RRP12: variants seen among roughly 807,000 people sequenced by gnomAD.
RRP12 encodes the protein RRP12-like protein.
Under a neutral mutation model 157.3 loss-of-function variants are expected in RRP12, and 78 were observed. That is an observed-to-expected ratio of 0.50 (90% CI 0.41 to 0.60). The LOEUF (loss-of-function observed/expected upper bound fraction) is 0.60. Ranked by LOEUF, RRP12 falls within the 20% of genes least tolerant of loss-of-function variation. The pLI is 0.00. For synonymous variants in RRP12, 726 were observed against 670.9 expected (o/e 1.08, Z -1.27); for missense variants, 1,521 against 1,679.9 (o/e 0.91, Z 1.65).
At position 97,379,282 on chromosome 10, in the gene RRP12, G is replaced by A. The variant is rs1844394957; in HGVS notation, c.1798+11C>T. The stretch of plus-strand genomic sequence containing the variant: ...AGCCTCAGGTCACACACAGGCAAGG[G>A]TCTCTCCTACCTTTGCTCTTCAGGG... On this transcript the variant is annotated intron_variant, in intron 15 of 33. Coordinates refer to ENST00000370992, the MANE Select transcript of RRP12 (RefSeq NM_015179.4). 2 of 1,613,794 alleles carry A rather than the reference G, an allele frequency of 1.2e-6. No individual in the cohort carries two copies. The highest frequency in any genetic ancestry group is 1.7e-6 in the Non-Finnish European group (2 of 1,179,800).
intron 19 of RRP12, 111 bp downstream of exon 19, chr10:97,372,625 C>T: frequency 1.1e-6 from 1 of 891,734 alleles, no homozygotes; most frequent in Admixed American, 2.0e-5. Context: ...AGAGTTAATA[C>T]TTCAAGGCTT....
chr10:97,375,643 A>G (rs1251238942), intron 15 of RRP12, among the ~76,000 whole-genome samples: 1 of 152,158 alleles, frequency 6.6e-6, no homozygotes, highest in Non-Finnish European at 1.5e-5. Flanking sequence ...AACATTAATG[A>G]TGGTAATGAC....
intron 24 of RRP12, 85 bp from the exon 25 acceptor site, chr10:97,369,667 G>A (rs1844088110): frequency 5.8e-6 from 8 of 1,387,876 alleles, no homozygotes; most frequent in Admixed American, 2.1e-5. Flanking sequence ...AGCCACTCAA[G>A]TGTCAGTAAA....
intron 2 of RRP12, among the ~76,000 whole-genome samples, chr10:97,396,683 A>G (rs1241312263): frequency 6.6e-6 from 1 of 152,222 alleles, no homozygotes; most frequent in Non-Finnish European, 1.5e-5. Context: ...CAGGACCCCT[A>G]AAGATACCAA....
intron 25 of RRP12, chr10:97,367,466 G>A (rs1844021957): frequency 5.7e-6 from 2 of 352,906 alleles, no homozygotes; most frequent in African/African-American, 2.1e-5. Flanking sequence ...ATTTATAGAA[G>A]AGGACACGGC....
chr10:97,381,755 G>C lies in RRP12; in HGVS notation c.1280C>G (p.Pro427Arg). Residue 427 changes from proline (P) to arginine (R), a missense_variant, in exon 11 of 34, where the codon CCA becomes CGA. Transcript: ENST00000370992. Reference protein sequence around the residue: ...FGTAVTCLLSPHSQVLTAATQ... With the variant: ...FGTAVTCLLSRHSQVLTAATQ... ...AGCAGCAGTCAGCACTTGCGAGTGT[G>C]GGGAAAGGAGGCAGGTCACCGCAGT... is the stretch of plus-strand genomic sequence containing the variant. The C allele has an allele frequency of 6.2e-7, 1 of 1,614,156 alleles. No homozygotes were observed. Among genetic ancestry groups the C allele is most frequent in the Non-Finnish European group, 8.5e-7 (1 of 1,179,976 alleles).
At chr10:97,391,729 G>A (rs535990801) in intron 4 of RRP12, among the ~76,000 whole-genome samples, 2 of 152,274 alleles carry the variant, frequency 1.3e-5, no homozygotes, top group East Asian at 3.9e-4. Flanking sequence ...AGACCATCCT[G>A]GCTAACACAG....
At position 97,373,754 on chromosome 10, in the gene RRP12, C is replaced by A. The variant is rs1266528380; in HGVS notation, c.1864-17G>T. Reference sequence around the variant, plus strand: ...TGTCCACATCTGGAGAAGGAGGGGACAATAAAGGAAGGTGACACGCAGCCA... The same window carrying A: ...TGTCCACATCTGGAGAAGGAGGGGAAAATAAAGGAAGGTGACACGCAGCCA... On this transcript the variant is annotated splice_polypyrimidine_tract_variant and intron_variant, in intron 16 of 33. Transcript: ENST00000370992. 6.2e-7 allele frequency: 1 copy of A among 1,612,424 alleles called. No individual in the cohort carries two copies.
intron 15 of RRP12, among the ~76,000 whole-genome samples, chr10:97,375,013 G>T (rs1338849953): frequency 2.6e-5 from 4 of 152,148 alleles, no homozygotes; most frequent in Non-Finnish European, 4.4e-5. Context: ...GAGCGGCGGA[G>T]TTGGGATATA....
intron 11 of RRP12, 28 bp downstream of exon 11, chr10:97,381,687 T>C (rs1480563049): frequency 1.3e-6 from 2 of 1,583,350 alleles, no homozygotes; most frequent in East Asian, 4.5e-5. Flanking sequence ...CCCTGTGCTC[T>C]CTGCTTCCTC....
At chr10:97,395,833 AGT>A (rs1844946728) in intron 3 of RRP12, among the ~76,000 whole-genome samples, 1 of 147,666 alleles carries the variant, frequency 6.8e-6, no homozygotes, top group Non-Finnish European at 1.5e-5. Flanking sequence ...CCTGGGCGAC[AGT>A]GTGAGACTCC....
Position 97,396,300 on chromosome 10 carries a change from A to T in RRP12, c.371T>A (p.Ile124Asn). ...WESNSAAHKE[I>N]CAVLAAVTEV... is the part of the protein sequence containing the mutation. ...AGTGACAGCAGCCAGAACAGCACAG[A>T]TCTGCACAGGAGGGAGAAAGCACTG... Residue 124 changes from isoleucine to asparagine, a missense_variant and splice_region_variant, in exon 3 of 34, where the codon ATC (isoleucine) becomes AAC (asparagine). Physicochemically the swap from Ile to Asn is moderately radical, Grantham distance 149 (BLOSUM62 -3). Transcript: ENST00000370992. 1 of 1,613,322 alleles carries T rather than the reference A, an allele frequency of 6.2e-7. No homozygotes were observed. Among genetic ancestry groups the T allele is most frequent in the Non-Finnish European group, 8.5e-7 (1 of 1,179,324 alleles).
At position 97,379,714 on chromosome 10, in the gene RRP12, A is replaced by G. The variant is rs1200922209; in HGVS notation, c.1590T>C (p.Ala530=). ...CCGCAGCCCCCACTGCCTGGTCAAGAGCCGCCGTGTGGGGGAAATGAGGGG... is the reference window on the plus strand; with the variant it reads ...CCGCAGCCCCCACTGCCTGGTCAAGGGCCGCCGTGTGGGGGAAATGAGGGG... ...RLSPHFPHTA[A]LDQAVGAAVT... is the part of the protein sequence containing the mutation. Residue 530 remains alanine, a synonymous_variant, in exon 14 of 34, where the codon GCT becomes GCC. Coordinates refer to ENST00000370992, the MANE Select transcript of RRP12 (RefSeq NM_015179.4). 2 of 1,613,970 alleles carry G rather than the reference A, an allele frequency of 1.2e-6. No individual in the cohort carries two copies. The highest frequency in any genetic ancestry group is 4.5e-5 in the East Asian group (2 of 44,852).
Position 97,373,630 on chromosome 10 carries a change from C to T in RRP12, c.1971G>A (p.Leu657=). 1 of 1,613,272 alleles carries T rather than the reference C, an allele frequency of 6.2e-7. No homozygotes were observed. The highest frequency in any genetic ancestry group is 8.5e-7 in the Non-Finnish European group (1 of 1,179,668). The change falls in exon 17 of 34, where the codon CTG becomes CTA. Residue 657 remains leucine (L), a synonymous_variant. Coordinates refer to ENST00000370992, the MANE Select transcript of RRP12 (RefSeq NM_015179.4). The stretch of plus-strand genomic sequence containing the variant: ...GCAGGGCCTGGCACACGGTGACCCT[C>T]AGGTCTGGACGCTCGCTGATGGCCA... ...LGMAISERPD[L]RVTVCQALRT... is the part of the protein sequence containing the mutation.
In RRP12 at chr10:97,366,096, C is replaced by A. The variant is rs368572888; in HGVS notation, c.3517+12G>T. 150 of 1,601,158 alleles carry A rather than the reference C, an allele frequency of 9.4e-5. 2 individuals are homozygous for A. In the African/African-American group the frequency reaches 1.9e-3, roughly 20 times the overall value. On this transcript the variant is annotated intron_variant, in intron 29 of 33. Transcript: ENST00000370992. ...AACACGGTGAATGAATGGACAAGCG[C>A]GTTGGGCCCACCTTTGGCACCTTCC...
At chr10:97,363,267 C>G (rs1280004241) in intron 30 of RRP12, among the ~76,000 whole-genome samples, 1 of 152,206 alleles carries the variant, frequency 6.6e-6, no homozygotes, top group African/African-American at 2.4e-5. Context: ...GCCCACTTCA[C>G]CCTTGTTGGT....
intron 2 of RRP12, 34 bp from the exon 3 acceptor site, chr10:97,396,335 T>C: frequency 1.3e-6 from 2 of 1,550,608 alleles, no homozygotes; most frequent in Non-Finnish European, 1.8e-6. Context: ...GTGACTATTT[T>C]AGACCTAACC....
chr10:97,382,764 AT>A (rs11290358), intron 10 of RRP12, among the ~76,000 whole-genome samples: 55,118 of 142,072 alleles, frequency 0.39, 10,558 homozygotes, highest in African/African-American at 0.52. Context: ...GACTGTTTCT[AT>A]TTTTTTTTTT....
intron 2 of RRP12, among the ~76,000 whole-genome samples, chr10:97,397,369 C>A (rs936692296): frequency 1.8e-4 from 27 of 151,858 alleles, no homozygotes; most frequent in African/African-American, 6.0e-4. Context: ...ACCATGCTGG[C>A]CAGGTTGGTT....
Sources: gnomAD v4.1 joint callset for allele counts (sites outside exome capture counted in the v4.1 genomes callset) on GRCh38, gnomAD v4.1.1 for gene constraint, MANE v1.5 for transcripts, NCBI Gene and HGNC (gene_info 2026-07-23, HGNC 2026-07-21) for gene names.